The following TTC7A variants were observed in gnomAD, a reference collection of about 807,000 sequenced individuals.
TTC7A encodes the protein tetratricopeptide repeat protein 7A.
TTC7A carries 110 observed loss-of-function variants against 103.7 expected under a neutral mutation model. That is an observed-to-expected ratio of 1.06 (90% confidence interval 0.91 to 1.24). TTC7A has a LOEUF of 1.24. Among genes scored for constraint, TTC7A ranks in the 50% most tolerant of loss-of-function variants. The pLI is 0.00. For missense variants in TTC7A, 1,340 were observed against 1,116.3 expected, an observed-to-expected ratio of 1.20 and a Z score of -2.86; for synonymous variants, 521 against 467.9, an observed-to-expected ratio of 1.11 and a Z score of -1.47.
chr2:46,974,797 C>T, intron 3 of TTC7A, 176 bp from the exon 4 acceptor site: 1 of 811,594 alleles, frequency 1.2e-6, no homozygotes, highest in Non-Finnish European at 2.0e-6. Flanking sequence ...TACTCCCAGC[C>T]ACTGCTAACA....
chr2:46,927,003 G>A (rs539764937), intron 2 of TTC7A, among the ~76,000 whole-genome samples: 196 of 151,992 alleles, frequency 1.3e-3, no homozygotes, highest in Non-Finnish European at 2.3e-3. Context: ...TTAGACACAC[G>A]AAAAGAGAGA....
chr2:47,041,836 G>A (rs779732264), intron 15 of TTC7A, among the ~76,000 whole-genome samples: 2 of 152,174 alleles, frequency 1.3e-5, no homozygotes, highest in South Asian at 4.2e-4. Flanking sequence ...ACATAGTAGG[G>A]GAAGGGAAAA....
intron 2 of TTC7A, chr2:46,951,476 AG>A: frequency 2.3e-6 from 1 of 430,382 alleles, no homozygotes; most frequent in Admixed American, 2.5e-5. Flanking sequence ...TCAAAAGAGG[AG>A]GGGGAGGGGG....
intron 2 of TTC7A, chr2:46,951,730 CAA>C (rs1193180405): frequency 8.9e-6 from 4 of 451,662 alleles, no homozygotes; most frequent in Non-Finnish European, 1.8e-5. Flanking sequence ...AGAGCTATTC[CAA>C]AGTAATATAT....
chr2:47,060,124 G>A (rs573278819), intron 18 of TTC7A, among the ~76,000 whole-genome samples: 9 of 152,110 alleles, frequency 5.9e-5, no homozygotes, highest in East Asian at 3.9e-4. Context: ...GGTGGCTCAC[G>A]CTTGTAATCC....
intron 2 of TTC7A, among the ~76,000 whole-genome samples, chr2:46,917,776 A>G (rs1459904719): frequency 6.6e-6 from 1 of 152,008 alleles, no homozygotes; most frequent in Non-Finnish European, 1.5e-5. Context: ...TCTTGTTTTT[A>G]TTTTACTTGC....
chr2:46,980,610 A>G (rs1245803143), intron 5 of TTC7A, among the ~76,000 whole-genome samples: 1 of 152,168 alleles, frequency 6.6e-6, no homozygotes, highest in African/African-American at 2.4e-5. Flanking sequence ...TGGGTTTCCA[A>G]CAATTAAATT....
rs111460716 is a variant in TTC7A at position 47,042,702 on chromosome 2, G to GTGTGTGTATATATA, written c.1803-3612_1803-3611insGTGTGTATATATAT. ...TGTGTGTGTGTGTGTGTGTGTGTGT[G>GTGTGTGTATATATA]TATATATATGTATAAAGTAATTAAG... On this transcript the variant is annotated intron_variant, in intron 15 of 19. Coordinates refer to ENST00000319190, the MANE Select transcript of TTC7A (RefSeq NM_020458.4). Among the ~76,000 whole-genome samples, 743 of 142,708 alleles carry GTGTGTGTATATATA rather than the reference G, an allele frequency of 5.2e-3. 1 individual carries two copies. The highest frequency in any genetic ancestry group is 8.2e-3 in the Non-Finnish European group (533 of 65,190). The allele number at this position is 142,708 out of a possible 152,430, so 93.6% of individuals were successfully genotyped here.
Position 46,941,516 on chromosome 2 carries a change from C to T in TTC7A, c.-26C>T. The T allele has an allele frequency of 6.5e-7, 1 of 1,548,420 alleles. No homozygotes were observed. The highest frequency in any genetic ancestry group is 8.7e-7 in the Non-Finnish European group (1 of 1,146,312). ...GCCGGGTCTCCACTTCTTGGCCGCA[C>T]CTTCCATGACAGCGCCCGCGAGAAG... On this transcript the variant is annotated 5_prime_UTR_variant, in exon 1 of 20. Coordinates refer to ENST00000319190, the MANE Select transcript of TTC7A (RefSeq NM_020458.4). The surrounding 1 kb of genome is among the most constrained non-coding windows in gnomAD (Gnocchi z 4.2).
intron 11 of TTC7A, among the ~76,000 whole-genome samples, chr2:47,012,025 G>A (rs1435711964): frequency 6.6e-6 from 1 of 152,212 alleles, no homozygotes; most frequent in African/African-American, 2.4e-5. Flanking sequence ...TAACCCCCCA[G>A]TTGGGGGTTG....
chr2:47,017,085 A>G (rs897880869), intron 11 of TTC7A, among the ~76,000 whole-genome samples: 6 of 151,068 alleles, frequency 4.0e-5, no homozygotes, highest in African/African-American at 1.5e-4. Context: ...CTGTAATCCC[A>G]GTGACTCGGA....
At position 46,956,977 on chromosome 2, in the gene TTC7A, C is replaced by G. The variant is rs767380906; in HGVS notation, c.487C>G (p.Arg163Gly). Residue 163 changes from arginine to glycine, a missense_variant, in exon 3 of 20, where the codon CGG (arginine) becomes GGG (glycine). Physicochemically the swap from Arg to Gly is moderately radical, Grantham distance 125. Transcript: ENST00000319190. ...SMENKPLYQM[R>G]LLSEAFVIKG... ...GGAGAACAAGCCCCTGTATCAGATG[C>G]GGCTGCTGTCGGAGGCTTTTGTCAT... The G allele has an allele frequency of 6.2e-7, 1 of 1,614,162 alleles. No individual in the cohort carries two copies. Among genetic ancestry groups the G allele is most frequent in the Admixed American group, 1.7e-5 (1 of 60,026 alleles).
intron 14 of TTC7A, among the ~76,000 whole-genome samples, chr2:47,025,083 G>A (rs940355774): frequency 6.6e-6 from 1 of 152,238 alleles, no homozygotes; most frequent in Non-Finnish European, 1.5e-5. Flanking sequence ...CCTGGGGATT[G>A]CAGACAAGCC....
In TTC7A at chr2:46,921,326, C is replaced by T. The variant is rs116366421; in HGVS notation, c.82+4049C>T. On this transcript the variant is annotated intron_variant, in intron 2 of 20. Coordinates refer to the TTC7A transcript ENST00000409245. ...ATTGATTTAGCACTGTCACAGGATA[C>T]ATTATACAATTAATGGTATGTCTAT... Among the ~76,000 whole-genome samples, 861 of 152,242 alleles carry T rather than the reference C, an allele frequency of 5.7e-3. 7 individuals are homozygous for T. The highest frequency in any genetic ancestry group is 0.01 in the Middle Eastern group (3 of 294).
intron 18 of TTC7A, among the ~76,000 whole-genome samples, chr2:47,053,453 G>T (rs13383190): frequency 0.016 from 2,477 of 152,290 alleles, 76 homozygotes; most frequent in African/African-American, 0.057. Flanking sequence ...GCAGTTGTGG[G>T]TTGCCTGTAC....
intron 5 of TTC7A, among the ~76,000 whole-genome samples, chr2:46,987,255 C>G (rs1229165160): frequency 1.3e-5 from 2 of 152,170 alleles, no homozygotes; most frequent in Admixed American, 6.5e-5. Context: ...GAAGGGGGCA[C>G]CTTTCTGACA....
At chr2:47,053,543 T>TTTGTTTGGTTTG (rs66907808) in intron 18 of TTC7A, among the ~76,000 whole-genome samples, 1 of 140,138 alleles carries the variant, frequency 7.1e-6, no homozygotes, top group African/African-American at 2.8e-5. Context: ...TGTTTGTTTG[T>TTTGTTTGGTTTG]TTGGTTGGTT....
chr2:47,043,938 A>T (rs1682036088), intron 15 of TTC7A, among the ~76,000 whole-genome samples: 1 of 152,174 alleles, frequency 6.6e-6, no homozygotes, highest in African/African-American at 2.4e-5. Context: ...CTCAAAGATG[A>T]AGAAAATGAG....
intron 18 of TTC7A, among the ~76,000 whole-genome samples, chr2:47,059,475 G>A (rs1174986931): frequency 2.0e-5 from 3 of 152,102 alleles, no homozygotes; most frequent in South Asian, 4.1e-4. Context: ...AACACTGCCT[G>A]GTTTGTGCCC....
Sources: gnomAD v4.1 joint callset for allele counts (sites outside exome capture counted in the v4.1 genomes callset) on GRCh38, gnomAD v4.1.1 for gene constraint, Gnocchi (gnomAD v3.1) non-coding constraint, MANE v1.5 for transcripts, NCBI Gene and HGNC (gene_info 2026-07-23, HGNC 2026-07-21) for gene names.